Variants in SEC31A observed in about 807,000 individuals in gnomAD.
SEC31A encodes SEC31 homolog A, COPII component, also known as protein transport protein Sec31A.
In SEC31A, 70 loss-of-function variants were observed where a neutral mutation model predicts 151.0. The ratio of observed to expected loss-of-function variants is 0.46; its 90% CI spans 0.38 to 0.57. The LOEUF is 0.57. SEC31A is among the 20% of genes least tolerant of loss of function. SEC31A has a pLI of 0.00. For missense variants in SEC31A, 1,330 were observed against 1,471.2 expected, an observed-to-expected ratio of 0.90 and a Z score of 1.57; for synonymous variants, 475 against 505.9, an observed-to-expected ratio of 0.94 and a Z score of 0.82.
At chr4:82,895,578 A>G (rs1720030056), upstream of SEC31A, 1 of 152,270 alleles carries the variant, frequency 6.6e-6, no homozygotes, top group Admixed American at 6.5e-5. Flanking sequence ...TAAGGAAAAG[A>G]AATTTTTAAT....
At chr4:82,892,917 A>G (rs1719897568), upstream of SEC31A, 1 of 152,232 alleles carries the variant, frequency 6.6e-6, no homozygotes, top group Admixed American at 6.5e-5. Context: ...AAAAAAAGAA[A>G]AACTCTTTAG....
upstream of SEC31A, chr4:82,895,782 GA>G (rs1720039187): frequency 6.6e-6 from 1 of 152,064 alleles, no homozygotes; most frequent in African/African-American, 2.4e-5. Flanking sequence ...TTCCTAAAAC[GA>G]AAAACATTCA....
At chr4:82,852,019 C>T (rs911450385) in intron 18 of SEC31A, among the ~76,000 whole-genome samples, 4 of 152,142 alleles carry the variant, frequency 2.6e-5, no homozygotes, top group African/African-American at 9.7e-5. Flanking sequence ...AATTCTAGCT[C>T]CCATAATCCC....
chr4:82,844,241 T>C (rs1400712636), intron 21 of SEC31A, 145 bp downstream of exon 21: 5 of 810,160 alleles, frequency 6.2e-6, no homozygotes, highest in East Asian at 2.6e-5. Context: ...TAAAAAAACA[T>C]GTCTCTTTGT....
intron 19 of SEC31A, among the ~76,000 whole-genome samples, chr4:82,850,551 G>A (rs2149347416): frequency 6.6e-6 from 1 of 152,162 alleles, no homozygotes; most frequent in African/African-American, 2.4e-5. Flanking sequence ...ATAAAATACA[G>A]AATAAAGTGA....
At chr4:82,848,241 T>C (rs570124534) in intron 20 of SEC31A, among the ~76,000 whole-genome samples, 65 of 152,170 alleles carry the variant, frequency 4.3e-4, no homozygotes, top group Middle Eastern at 3.4e-3. Flanking sequence ...TTATTAGTTC[T>C]TTTCACATTC....
intron 25 of SEC31A, among the ~76,000 whole-genome samples, chr4:82,824,295 C>T (rs551012187): frequency 3.3e-5 from 5 of 152,236 alleles, no homozygotes; most frequent in African/African-American, 1.2e-4. Context: ...CCTCTGCCTT[C>T]TGGGTTCAAG....
chr4:82,847,414 T>C (rs1730478220), intron 20 of SEC31A, among the ~76,000 whole-genome samples: 1 of 152,260 alleles, frequency 6.6e-6, no homozygotes, highest in Non-Finnish European at 1.5e-5. Context: ...AGTGTAAGAT[T>C]GGTAAATCAA....
Position 82,821,125 on chromosome 4 carries a change from A to G in SEC31A, c.3412-17T>C. 6.3e-7 allele frequency: 1 copy of G among 1,598,360 alleles called. No homozygotes were observed. Among genetic ancestry groups the G allele is most frequent in the Non-Finnish European group, 8.6e-7 (1 of 1,165,906 alleles). ...CTTGGTTTGCTGCAGGAAAGAAAAA[A>G]TAGATGTTATATTTGAACATTAACT... On this transcript the variant is annotated splice_polypyrimidine_tract_variant and intron_variant, in intron 25 of 26. Transcript: ENST00000395310.
Position 82,865,536 on chromosome 4 carries a change from G to GTATATA in SEC31A, c.1198-944_1198-939dup, listed in dbSNP as rs55681370. Among the ~76,000 whole-genome samples the GTATATA allele has an allele frequency of 5.3e-4, 73 of 137,180 alleles. 1 individual carries two copies. Among genetic ancestry groups the GTATATA allele is most frequent in the South Asian group, 2.0e-3 (8 of 3,934 alleles). The allele number at this position is 137,180 out of a possible 152,430, so 90.0% of individuals were successfully genotyped here. ...AAATGAATGGATAAAAAAAAATGTGGTATATATATATATATATATATATAT... is the reference window on the plus strand; with the variant it reads ...AAATGAATGGATAAAAAAAAATGTGGTATATATATATATATATATATATATATATAT... On this transcript the variant is annotated intron_variant, in intron 10 of 26. Transcript: ENST00000395310.
At chr4:82,876,987 C>A (rs539699849) in intron 4 of SEC31A, among the ~76,000 whole-genome samples, 66 of 152,332 alleles carry the variant, frequency 4.3e-4, no homozygotes, top group African/African-American at 1.5e-3. Flanking sequence ...CCTGTAGTCA[C>A]AGCACTTTGG....
rs879757841 is a variant in SEC31A, at chr4:82,828,059, C to T, written c.3028-427G>A. ...CCTCCCAAGTAGCTGGGATTACAGG[C>T]GCGTGCCACCACGCCCAGCTAATTT... On this transcript the variant is annotated intron_variant, in intron 23 of 26. Coordinates refer to ENST00000395310, the MANE Select transcript of SEC31A (RefSeq NM_001077207.4). Among the ~76,000 whole-genome samples, 10 of 152,200 alleles carry T rather than the reference C, an allele frequency of 6.6e-5. No homozygotes were observed. The East Asian group carries it at 1.4e-3, about 21-fold the overall frequency.
At chr4:82,834,483 A>G (rs527650436) in intron 22 of SEC31A, among the ~76,000 whole-genome samples, 5 of 152,326 alleles carry the variant, frequency 3.3e-5, no homozygotes, top group Admixed American at 6.5e-5. Context: ...ACACCAAATC[A>G]TAATAAAATC....
rs142529300 is a variant in SEC31A at position 82,862,333 on chromosome 4, G to A, written c.1548+201C>T. Among the ~76,000 whole-genome samples the A allele has an allele frequency of 2.3e-4, 34 of 150,794 alleles. No individual in the cohort carries two copies. In the East Asian group the frequency reaches 6.4e-3, roughly 28 times the overall value. The stretch of plus-strand genomic sequence containing the variant: ...TTCCTGCTTTACAAAATTCAAATAT[G>A]TATGTCAAGAGAAAGGAATGCTCTA... On this transcript the variant is annotated intron_variant, in intron 13 of 26. Transcript: ENST00000395310.
chr4:82,853,529 C>A, intron 18 of SEC31A, 41 bp downstream of exon 18: 1 of 1,507,538 alleles, frequency 6.6e-7, no homozygotes. Context: ...GGGTGAAAGA[C>A]AACACTAAAA....
intron 4 of SEC31A, chr4:82,877,493 C>T (rs1284966790): frequency 2.0e-5 from 3 of 151,860 alleles, no homozygotes; most frequent in Non-Finnish European, 4.4e-5. Flanking sequence ...ATCAACCTAC[C>T]TCAGCCTCCC....
intron 1 of SEC31A, among the ~76,000 whole-genome samples, chr4:82,884,786 C>T (rs1191287436): frequency 6.6e-6 from 1 of 152,102 alleles, no homozygotes; most frequent in Non-Finnish European, 1.5e-5. Flanking sequence ...AAGGGGTGCT[C>T]TCTGTTTTCA....
At chr4:82,841,467 T>TATATATATATATATATATAC (rs1339344582) in intron 22 of SEC31A, among the ~76,000 whole-genome samples, 7 of 103,586 alleles carry the variant, frequency 6.8e-5, no homozygotes, top group East Asian at 5.9e-4. Context: ...TATATATATA[T>TATATATATATATATATATAC]ACACACACAC....
intron 8 of SEC31A, among the ~76,000 whole-genome samples, chr4:82,868,063 G>A (rs1735796055): frequency 6.6e-6 from 1 of 152,190 alleles, no homozygotes; most frequent in Non-Finnish European, 1.5e-5. Context: ...TGAGAAGGAA[G>A]AATTCACTAA....
Sources: gnomAD v4.1 joint callset for allele counts (sites outside exome capture counted in the v4.1 genomes callset) on GRCh38, gnomAD v4.1.1 for gene constraint, MANE v1.5 for transcripts, NCBI Gene and HGNC (gene_info 2026-07-23, HGNC 2026-07-21) for gene names.